The following TULP4 variants were observed in gnomAD, a reference collection of about 807,000 sequenced individuals.
TULP4 encodes the protein TUB like protein 4, also known as tubby-related protein 4.
TULP4 carries 16 observed loss-of-function variants against 129.0 expected under a neutral mutation model. That is an observed-to-expected ratio of 0.12 (90% CI 0.08 to 0.19). The LOEUF (loss-of-function observed/expected upper bound fraction) is 0.19. TULP4 is among the 10% of genes least tolerant of loss of function. The pLI, the probability that TULP4 is intolerant of heterozygous loss-of-function variation, is 1.00. For synonymous variants in TULP4, 998 were observed against 854.0 expected (o/e 1.17, Z -2.94); for missense variants, 1,842 against 2,059.1 (o/e 0.89, Z 2.04).
At chr6:158,350,131 C>T (rs1363488707) in intron 1 of TULP4, among the ~76,000 whole-genome samples, 1 of 146,340 alleles carries the variant, frequency 6.8e-6, no homozygotes, top group Non-Finnish European at 1.5e-5. Flanking sequence ...CCATTCGGGG[C>T]AACCGAGCAG....
At chr6:158,451,513 G>A (rs1297754661) in intron 4 of TULP4, among the ~76,000 whole-genome samples, 1 of 152,180 alleles carries the variant, frequency 6.6e-6, no homozygotes, top group Non-Finnish European at 1.5e-5. Flanking sequence ...CAAGTCCATG[G>A]TCCATCATGG....
intron 1 of TULP4, among the ~76,000 whole-genome samples, chr6:158,303,601 C>G (rs775782031): frequency 1.3e-5 from 2 of 152,206 alleles, no homozygotes; most frequent in Non-Finnish European, 2.9e-5. Flanking sequence ...AGCAGAACTA[C>G]TGGTAAGGGT....
At chr6:158,357,663 C>T (rs1780679357) in intron 1 of TULP4, among the ~76,000 whole-genome samples, 1 of 152,144 alleles carries the variant, frequency 6.6e-6, no homozygotes, top group Non-Finnish European at 1.5e-5. Context: ...TTGAAGTGTT[C>T]CTCTGATGCC....
chr6:158,240,357 C>A (rs1312160181), intron 1 of TULP4, among the ~76,000 whole-genome samples: 5 of 81,208 alleles, frequency 6.2e-5, no homozygotes, highest in South Asian at 4.2e-4. Context: ...GACTCCCCCA[C>A]CTCCCTCCCG....
chr6:158,257,188 C>A (rs1778262086), intron 1 of TULP4, among the ~76,000 whole-genome samples: 1 of 152,014 alleles, frequency 6.6e-6, no homozygotes, highest in Admixed American at 6.6e-5. Context: ...GTTTGACAAC[C>A]CCTGCCCCCT....
chr6:158,500,884 G>A (rs1488469898), intron 12 of TULP4, among the ~76,000 whole-genome samples: 1 of 152,168 alleles, frequency 6.6e-6, no homozygotes, highest in Non-Finnish European at 1.5e-5. Context: ...GGCCAACATG[G>A]CAAAACCCCA....
intron 1 of TULP4, among the ~76,000 whole-genome samples, chr6:158,347,235 C>T (rs1754406): frequency 0.92 from 139,936 of 152,292 alleles, 64,482 homozygotes; most frequent in Admixed American, 0.95. Context: ...TTATAATTAA[C>T]TGAAAAGTAG....
At chr6:158,300,730 A>G (rs185114675) in intron 1 of TULP4, among the ~76,000 whole-genome samples, 2 of 152,344 alleles carry the variant, frequency 1.3e-5, no homozygotes, top group African/African-American at 2.4e-5. Context: ...TACATGTGAA[A>G]TTCTGCCAAA....
chr6:158,326,732 G>A (rs138710017), intron 1 of TULP4, among the ~76,000 whole-genome samples: 24 of 152,216 alleles, frequency 1.6e-4, no homozygotes, highest in African/African-American at 3.9e-4. Context: ...CTCAGGCCCC[G>A]GAGCTAGACT....
At chr6:158,425,702 CAAG>C (rs1308792714) in intron 2 of TULP4, among the ~76,000 whole-genome samples, 1 of 151,818 alleles carries the variant, frequency 6.6e-6, no homozygotes, top group Non-Finnish European at 1.5e-5. Context: ...CTCCCAGGTT[CAAG>C]CGATTCTCCT....
intron 2 of TULP4, among the ~76,000 whole-genome samples, chr6:158,421,541 C>T (rs1778342124): frequency 2.0e-5 from 3 of 152,102 alleles, no homozygotes; most frequent in East Asian, 1.9e-4. Flanking sequence ...TTTTGTGCAG[C>T]CCAAAGTTCT....
In TULP4 at chr6:158,509,639, A is replaced by G. The variant is rs1174327646; in HGVS notation, c.*2945A>G. The G allele has an allele frequency of 6.6e-6, 1 of 152,166 alleles. No homozygotes were observed. Among genetic ancestry groups the G allele is most frequent in the African/African-American group, 2.4e-5 (1 of 41,432 alleles). The allele number at this position is 152,166 out of a possible 1,614,324, so 9.4% of individuals were successfully genotyped here. On this transcript the variant is annotated 3_prime_UTR_variant, in exon 14 of 14. Coordinates refer to ENST00000367097, the MANE Select transcript of TULP4 (RefSeq NM_020245.5). ...CTAAATGCCTAGCTCCCTCCCCCAAAGGCGCTTTCCCCCGATGGAGGCACA... is the reference window on the plus strand; with the variant it reads ...CTAAATGCCTAGCTCCCTCCCCCAAGGGCGCTTTCCCCCGATGGAGGCACA...
rs114720858 is a variant in TULP4, at chr6:158,274,965, G to C, written n.69-37086G>C. On this transcript the variant is annotated intron_variant and non_coding_transcript_variant, in intron 1 of 1. Transcript: ENST00000620026. ...GCCTTTTATTGATCTCTTCCATTTT[G>C]TTGTTCTCTCTGTTAGAATGTAAGC... Among the ~76,000 whole-genome samples, 1,366 of 152,214 alleles carry C rather than the reference G, an allele frequency of 9.0e-3. 17 individuals carry two copies. The highest frequency in any genetic ancestry group is 0.032 in the African/African-American group (1,314 of 41,522).
intron 10 of TULP4, among the ~76,000 whole-genome samples, chr6:158,494,486 G>A (rs752108287): frequency 7.2e-5 from 11 of 152,044 alleles, no homozygotes; most frequent in Non-Finnish European, 1.6e-4. Context: ...CCCTTTCTAC[G>A]CCTCTTTAAA....
intron 1 of TULP4, among the ~76,000 whole-genome samples, chr6:158,290,476 C>T (rs949205037): frequency 4.6e-5 from 7 of 152,260 alleles, no homozygotes; most frequent in Middle Eastern, 3.4e-3. Flanking sequence ...ATGTCTACTT[C>T]GTTGATTGTT....
chr6:158,426,375 T>C (rs1436979218), intron 2 of TULP4, among the ~76,000 whole-genome samples: 6 of 152,236 alleles, frequency 3.9e-5, no homozygotes, highest in Non-Finnish European at 8.8e-5. Context: ...TTTAAGTCTT[T>C]AATCTTGAGT....
intron 1 of TULP4, among the ~76,000 whole-genome samples, chr6:158,405,438 A>G (rs1777957629): frequency 6.6e-6 from 1 of 152,180 alleles, no homozygotes; most frequent in African/African-American, 2.4e-5. Flanking sequence ...CAGACTATTT[A>G]TTGGTGATCA....
intron 1 of TULP4, among the ~76,000 whole-genome samples, chr6:158,361,807 C>T (rs1780796430): frequency 6.6e-6 from 1 of 152,128 alleles, no homozygotes; most frequent in Admixed American, 6.5e-5. Context: ...TTGACTAGCT[C>T]TTTTTCCTTC....
intron 1 of TULP4, among the ~76,000 whole-genome samples, chr6:158,365,883 T>C (rs1319992505): frequency 8.2e-4 from 80 of 97,136 alleles, no homozygotes; most frequent in South Asian, 2.1e-3. Context: ...TTCTTTTTTT[T>C]TTTTTCTTTT....
Sources: allele counts gnomAD v4.1 joint callset (sites outside exome capture counted in the v4.1 genomes callset), GRCh38; gene constraint gnomAD v4.1.1; transcripts MANE v1.5; gene names NCBI Gene and HGNC (gene_info 2026-07-23, HGNC 2026-07-21).